COL28A1: variants seen among roughly 807,000 people sequenced by gnomAD.
COL28A1 encodes the protein collagen alpha-1(XXVIII) chain.
COL28A1 carries 161 observed loss-of-function variants against 150.2 expected under a neutral mutation model. That is an observed-to-expected ratio of 1.07 (90% CI 0.94 to 1.22). COL28A1 has a LOEUF of 1.22. Ranked by LOEUF, COL28A1 falls within the 50% of genes most tolerant of loss-of-function variation. The pLI, the probability that COL28A1 is intolerant of heterozygous loss-of-function variation, is 0.00. For missense variants in COL28A1, 1,617 were observed against 1,388.3 expected (o/e 1.16, Z -2.62); for synonymous variants, 552 against 469.7 (o/e 1.18, Z -2.26).
chr7:7,517,694 G>A lies in COL28A1; in HGVS notation c.855+102C>T, dbSNP rs1282241630. The A allele has an allele frequency of 9.7e-6, 15 of 1,540,554 alleles. No individual in the cohort carries two copies. In the East Asian group the frequency reaches 2.9e-4, roughly 30 times the overall value. ...AGCCATCAAGAGCACAAGGTAGATA[G>A]AAATCACTTTTGCACTTGCACTAAG... On this transcript the variant is annotated intron_variant, in intron 7 of 34. Coordinates refer to ENST00000399429, the MANE Select transcript of COL28A1 (RefSeq NM_001037763.3).
intron 33 of COL28A1, among the ~76,000 whole-genome samples, chr7:7,366,791 T>C (rs1391837309): frequency 6.6e-6 from 1 of 152,232 alleles, no homozygotes; most frequent in Non-Finnish European, 1.5e-5. Flanking sequence ...GATCATTGTT[T>C]ACTAGCTTTG....
chr7:7,540,261 T>C (rs1782761629), upstream of COL28A1, among the ~76,000 whole-genome samples: 1 of 152,258 alleles, frequency 6.6e-6, no homozygotes, highest in Admixed American at 6.5e-5. Context: ...GATCTATTTA[T>C]ACCTTGACTA....
intron 27 of COL28A1, among the ~76,000 whole-genome samples, chr7:7,397,860 A>G (rs528238623): frequency 2.0e-4 from 31 of 152,336 alleles, no homozygotes; most frequent in Non-Finnish European, 4.6e-4. Flanking sequence ...GCTCCATTCA[A>G]AACAAGTGCC....
At chr7:7,418,752 A>G (rs2128307814) in intron 26 of COL28A1, among the ~76,000 whole-genome samples, 1 of 152,316 alleles carries the variant, frequency 6.6e-6, no homozygotes, top group South Asian at 2.1e-4. Context: ...TGCAAAAAAA[A>G]AAATTAAACA....
chr7:7,465,057 T>C (rs1485678266), intron 15 of COL28A1, among the ~76,000 whole-genome samples: 1 of 152,014 alleles, frequency 6.6e-6, no homozygotes, highest in African/African-American at 2.4e-5. Context: ...CTAGAAAGCC[T>C]AGAGGAGATG....
At chr7:7,384,582 T>C (rs928448965) in intron 27 of COL28A1, among the ~76,000 whole-genome samples, 2 of 152,200 alleles carry the variant, frequency 1.3e-5, no homozygotes, top group Non-Finnish European at 2.9e-5. Flanking sequence ...TGCCTAATTT[T>C]AAATTAGGCC....
chr7:7,531,373 A>C lies in COL28A1; in HGVS notation c.656T>G (p.Leu219Arg). The change falls in exon 3 of 35, where the codon CTT becomes CGT. Residue 219 changes from leucine (L) to arginine (R), a missense_variant. Transcript: ENST00000399429. ...EPTLLLSDPT[L>R]VDKIQDRLDI... Reference sequence around the variant, plus strand: ...CAGACGATCTTGAATTTTATCTACAAGGGTTGGATCACTCAACAGTAAAGT... The same window carrying C: ...CAGACGATCTTGAATTTTATCTACACGGGTTGGATCACTCAACAGTAAAGT... The C allele has an allele frequency of 6.5e-7, 1 of 1,548,554 alleles. No individual in the cohort carries two copies. The highest frequency in any genetic ancestry group is 2.2e-5 in the East Asian group (1 of 44,562).
intron 23 of COL28A1, among the ~76,000 whole-genome samples, chr7:7,435,463 T>G (rs1014139691): frequency 2.6e-5 from 4 of 152,196 alleles, no homozygotes; most frequent in Non-Finnish European, 5.9e-5. Flanking sequence ...TTCCCAGTTT[T>G]AGCCCGGAAA....
intron 13 of COL28A1, among the ~76,000 whole-genome samples, chr7:7,478,903 G>A (rs539630668): frequency 3.9e-5 from 6 of 152,354 alleles, no homozygotes; most frequent in African/African-American, 1.4e-4. Flanking sequence ...AGGCAGCCCT[G>A]GTTCCACCCG....
chr7:7,520,224 A>C, intron 5 of COL28A1, 109 bp from the exon 6 acceptor site: 1 of 578,404 alleles, frequency 1.7e-6, no homozygotes, highest in Non-Finnish European at 3.0e-6. Flanking sequence ...AGAATTGTAA[A>C]ACCTTTACCT....
At chr7:7,344,036 C>T in the COL28A1 span, among the ~76,000 whole-genome samples, 1 of 151,588 alleles carries the variant, frequency 6.6e-6, no homozygotes, top group Admixed American at 6.6e-5. Flanking sequence ...AATAAAGGTG[C>T]AGGTGCATTT....
intron 12 of COL28A1, 39 bp from the exon 13 acceptor site, chr7:7,489,496 T>G: frequency 1.1e-6 from 1 of 925,780 alleles, no homozygotes; most frequent in South Asian, 1.3e-5. Flanking sequence ...CTTGAGATTT[T>G]AAATAAAGAA....
rs553835712 is a variant in COL28A1 at position 7,400,143 on chromosome 7, T to C, written c.2136+17716A>G. 3.9e-5 allele frequency among the ~76,000 whole-genome samples: 6 copies of C among 152,332 alleles called. No homozygotes were observed. In the South Asian group the frequency reaches 1.2e-3, roughly 32 times the overall value. On this transcript the variant is annotated intron_variant, in intron 27 of 34. Transcript: ENST00000399429. The stretch of plus-strand genomic sequence containing the variant: ...CAAAGCCCCCTTCATGCTGATTTAA[T>C]ACTTGAGTAGGCTAAACAGTGGCCC...
At chr7:7,517,686 G>A in intron 7 of COL28A1, 110 bp downstream of exon 7, 1 of 1,505,242 alleles carries the variant, frequency 6.6e-7, no homozygotes, top group Non-Finnish European at 9.1e-7. Flanking sequence ...AAGAGCACAA[G>A]GTAGATAGAA....
intron 30 of COL28A1, among the ~76,000 whole-genome samples, chr7:7,377,713 T>A (rs548902241): frequency 6.5e-4 from 97 of 150,354 alleles, no homozygotes; most frequent in Non-Finnish European, 1.0e-3. Flanking sequence ...ACTCACATGA[T>A]CCCTAGGCAG....
intron 27 of COL28A1, among the ~76,000 whole-genome samples, chr7:7,396,040 T>C (rs1018238009): frequency 3.3e-5 from 5 of 152,250 alleles, no homozygotes; most frequent in African/African-American, 9.6e-5. Flanking sequence ...ACCTTTGTTT[T>C]GAAAGGGATC....
At chr7:7,362,115 C>T (rs568731364) in intron 33 of COL28A1, among the ~76,000 whole-genome samples, 114 of 152,290 alleles carry the variant, frequency 7.5e-4, no homozygotes, top group African/African-American at 2.6e-3. Context: ...ACCACCATGG[C>T]ACGTGTATAC....
At chr7:7,432,578 T>C (rs1554270899) in intron 24 of COL28A1, 37 bp from the exon 25 acceptor site, 2 of 1,608,980 alleles carry the variant, frequency 1.2e-6, no homozygotes, top group Admixed American at 3.3e-5. Flanking sequence ...TGAGCATCCT[T>C]GTAGTATGCA....
intron 13 of COL28A1, among the ~76,000 whole-genome samples, chr7:7,486,134 T>C (rs1779613525): frequency 6.6e-6 from 1 of 152,210 alleles, no homozygotes; most frequent in African/African-American, 2.4e-5. Context: ...TTCATCAGTG[T>C]TTTGTAGTTT....
Sources: allele counts gnomAD v4.1 joint callset (sites outside exome capture counted in the v4.1 genomes callset), GRCh38; gene constraint gnomAD v4.1.1; transcripts MANE v1.5; gene names NCBI Gene and HGNC (gene_info 2026-07-23, HGNC 2026-07-21).